Variants in CDC25C observed in about 807,000 individuals in gnomAD.
CDC25C encodes M-phase inducer phosphatase 3.
A neutral mutation model predicts 52.5 loss-of-function variants in CDC25C; 48 were observed. The observed-to-expected ratio is 0.91, with a 90% CI of 0.72 to 1.16. The LOEUF (loss-of-function observed/expected upper bound fraction) is 1.16. Ranked by LOEUF, CDC25C falls within the 50% of genes most tolerant of loss-of-function variation. CDC25C has a pLI of 0.00. For missense variants in CDC25C, 510 were observed against 566.1 expected (o/e 0.90, Z 1.01); for synonymous variants, 187 against 206.5 (o/e 0.91, Z 0.81).
At chr5:138,306,265 G>T (rs1409844993) in intron 7 of CDC25C, among the ~76,000 whole-genome samples, 2 of 151,922 alleles carry the variant, frequency 1.3e-5, no homozygotes, top group African/African-American at 4.8e-5. Flanking sequence ...AAAAATTTTT[G>T]TTGTTTTGAT....
rs534927532 is a variant in CDC25C at position 138,329,210 on chromosome 5, T to C, written c.289+343A>G. On this transcript the variant is annotated intron_variant, in intron 3 of 13. Transcript: ENST00000323760. ...GAGCCACTGCACCTGGCCAACAACATATTTCTTTATGCTGGTTTCTTTGCC... is the reference window on the plus strand; with the variant it reads ...GAGCCACTGCACCTGGCCAACAACACATTTCTTTATGCTGGTTTCTTTGCC... 2.0e-5 allele frequency among the ~76,000 whole-genome samples: 3 copies of C among 152,286 alleles called. No homozygotes were observed. The East Asian group carries it at 5.8e-4, about 29-fold the overall frequency.
At chr5:138,307,696 C>G (rs1357179648) in intron 7 of CDC25C, among the ~76,000 whole-genome samples, 1 of 151,990 alleles carries the variant, frequency 6.6e-6, no homozygotes, top group African/African-American at 2.4e-5. Context: ...GAGGCCAAGA[C>G]AGGGGGAACA....
intron 7 of CDC25C, among the ~76,000 whole-genome samples, chr5:138,297,879 G>A (rs1757331297): frequency 6.6e-6 from 1 of 152,196 alleles, no homozygotes; most frequent in African/African-American, 2.4e-5. Context: ...AGACTGAAAT[G>A]AGGAAGAAAA....
At chr5:138,325,716 A>T in intron 6 of CDC25C, 99 bp downstream of exon 6, 1 of 798,712 alleles carries the variant, frequency 1.3e-6, no homozygotes, top group Non-Finnish European at 2.1e-6. Context: ...CTTGTCTAGC[A>T]TACGAGGTAT....
intron 6 of CDC25C, among the ~76,000 whole-genome samples, chr5:138,324,449 A>G (rs897209862): frequency 4.1e-5 from 6 of 147,258 alleles, no homozygotes; most frequent in African/African-American, 1.2e-4. Context: ...TAGGGAGAGG[A>G]AAAAAAAAAA....
intron 1 of CDC25C, chr5:138,337,526 C>T (rs1444654613): frequency 5.0e-6 from 1 of 202,018 alleles, no homozygotes; most frequent in Non-Finnish European, 1.0e-5. Context: ...ATCACAATCC[C>T]ATTACCTCAT....
In CDC25C at chr5:138,338,203, C is replaced by A. The variant is rs766585607; in HGVS notation, c.-235G>T. 208 of 1,279,284 alleles carry A rather than the reference C, an allele frequency of 1.6e-4. 3 individuals are homozygous for A. In the South Asian group the frequency reaches 2.4e-3, roughly 15 times the overall value. The allele number at this position is 1,279,284 out of a possible 1,614,324, so 79.2% of individuals were successfully genotyped here. ...GAGCCGGAGCTGTCCCCCTACTCTCCTCAGGGACTCGTTGGTTCGCGCCAG... is the reference window on the plus strand; with the variant it reads ...GAGCCGGAGCTGTCCCCCTACTCTCATCAGGGACTCGTTGGTTCGCGCCAG... On this transcript the variant is annotated 5_prime_UTR_variant, in exon 1 of 6. Transcript: ENST00000510119.
chr5:138,320,200 G>A (rs983730390), intron 6 of CDC25C, among the ~76,000 whole-genome samples: 1 of 152,132 alleles, frequency 6.6e-6, no homozygotes, highest in African/African-American at 2.4e-5. Context: ...AGCTACTTGG[G>A]AGGCTGAGGC....
At position 138,292,139 on chromosome 5, in the gene CDC25C, C is replaced by G. The variant is rs770722370; in HGVS notation, c.616-23G>C. 2.5e-6 allele frequency: 4 copies of G among 1,600,462 alleles called. No individual in the cohort carries two copies. In the African/African-American group the frequency reaches 5.4e-5, roughly 22 times the overall value. ...CACCTGTTTGGGAATATTAAACCCCCTAGTTCTTACTCCTCCAAGTGTGTC... is the reference window on the plus strand; with the variant it reads ...CACCTGTTTGGGAATATTAAACCCCGTAGTTCTTACTCCTCCAAGTGTGTC... On this transcript the variant is annotated intron_variant, in intron 7 of 13. Transcript: ENST00000323760.
At chr5:138,305,392 A>G (rs1757932195) in intron 7 of CDC25C, among the ~76,000 whole-genome samples, 1 of 152,090 alleles carries the variant, frequency 6.6e-6, no homozygotes, top group Admixed American at 6.6e-5. Flanking sequence ...GACTATTTGC[A>G]ATTACTAAAT....
chr5:138,319,891 G>T (rs929679566), intron 6 of CDC25C, among the ~76,000 whole-genome samples: 2 of 152,188 alleles, frequency 1.3e-5, no homozygotes, highest in African/African-American at 4.8e-5. Flanking sequence ...GTGCATTGCT[G>T]GTGGGAATGT....
chr5:138,306,046 T>C (rs922759729), intron 7 of CDC25C, among the ~76,000 whole-genome samples: 14 of 152,184 alleles, frequency 9.2e-5, no homozygotes, highest in Non-Finnish European at 1.6e-4. Context: ...AACGGTGGCA[T>C]TGAGTGTCTA....
At chr5:138,309,505 C>T (rs973714312) in intron 7 of CDC25C, among the ~76,000 whole-genome samples, 1 of 151,238 alleles carries the variant, frequency 6.6e-6, no homozygotes, top group African/African-American at 2.4e-5. Context: ...TGCAGTGAGC[C>T]GAGATCACAC....
At chr5:138,313,499 T>G (rs1758615492) in intron 7 of CDC25C, among the ~76,000 whole-genome samples, 1 of 151,906 alleles carries the variant, frequency 6.6e-6, no homozygotes, top group South Asian at 2.1e-4. Flanking sequence ...ACTGTATGCT[T>G]AAAAATGATT....
upstream of CDC25C, chr5:138,331,824 G>C (rs1760416434): frequency 1.0e-6 from 1 of 985,936 alleles, no homozygotes. Flanking sequence ...CGCAGGCGTT[G>C]ACCATTCAAA....
chr5:138,285,555 A>G lies in CDC25C; in HGVS notation c.*137T>C. The G allele has an allele frequency of 1.3e-6, 1 of 798,716 alleles. No individual in the cohort carries two copies. Among genetic ancestry groups the G allele is most frequent in the Admixed American group, 2.2e-5 (1 of 45,438 alleles). 49.5% of individuals were successfully genotyped at this position (798,716 alleles called of 1,614,324 possible). On this transcript the variant is annotated 3_prime_UTR_variant, in exon 14 of 14. Coordinates refer to ENST00000323760, the MANE Select transcript of CDC25C (RefSeq NM_001790.5). The stretch of plus-strand genomic sequence containing the variant: ...AAACCTAATCCATTCCCAGGCCTGG[A>G]TACAAGTTGGTAGCCTGTTGGTTTG...
intron 7 of CDC25C, among the ~76,000 whole-genome samples, chr5:138,295,241 T>A (rs1757084416): frequency 6.6e-6 from 1 of 152,188 alleles, no homozygotes; most frequent in Non-Finnish European, 1.5e-5. Flanking sequence ...ATTAAGGTGA[T>A]TAACATCTGC....
intron 7 of CDC25C, among the ~76,000 whole-genome samples, chr5:138,311,742 G>T (rs1402700506): frequency 6.6e-6 from 1 of 151,924 alleles, no homozygotes; most frequent in African/African-American, 2.4e-5. Context: ...GCAACAAAGG[G>T]CACAATCAAC....
intron 7 of CDC25C, among the ~76,000 whole-genome samples, chr5:138,313,734 A>G (rs1233565271): frequency 6.6e-6 from 1 of 151,992 alleles, no homozygotes; most frequent in Non-Finnish European, 1.5e-5. Flanking sequence ...TTTCTCCTCT[A>G]TACAGCTGCC....
Sources: gnomAD v4.1 joint callset for allele counts (sites outside exome capture counted in the v4.1 genomes callset) on GRCh38, gnomAD v4.1.1 for gene constraint, MANE v1.5 for transcripts, NCBI Gene and HGNC (gene_info 2026-07-23, HGNC 2026-07-21) for gene names.